KRABD2: variants seen among roughly 807,000 people sequenced by gnomAD.
KRABD2 encodes KRAB domain containing 2.
the KRABD2 span, chr17:8,371,559 A>G: frequency 1.3e-6 from 2 of 1,567,604 alleles, no homozygotes; most frequent in Non-Finnish European, 1.7e-6. Flanking sequence ...TCTGAAAGCG[A>G]GTCAGGTGAA....
the KRABD2 span, among the ~76,000 whole-genome samples, chr17:8,374,286 ATTC>A: frequency 2.0e-5 from 3 of 152,244 alleles, no homozygotes; most frequent in Non-Finnish European, 4.4e-5. Flanking sequence ...ACTAAGAAAA[ATTC>A]TTCTGCCTTG....
the KRABD2 span, chr17:8,373,709 TC>T: frequency 7.1e-6 from 1 of 141,244 alleles, no homozygotes; most frequent in African/African-American, 3.1e-5. Flanking sequence ...CCGGCCGCCA[TC>T]CCGTCTGGGA....
the KRABD2 span, among the ~76,000 whole-genome samples, chr17:8,363,869 ATTTATTTATTTATTTT>A: frequency 8.2e-4 from 99 of 120,820 alleles, no homozygotes; most frequent in African/African-American, 2.9e-3. Context: ...ATATTTATTT[ATTTATTTATTTATTTT>A]TTAGACAGAT....
chr17:8,374,242 A>G, the KRABD2 span, among the ~76,000 whole-genome samples: 1 of 152,260 alleles, frequency 6.6e-6, no homozygotes, highest in Non-Finnish European at 1.5e-5. Flanking sequence ...CTGTGTAGAA[A>G]GAAGTAGACA....
chr17:8,369,384 G>A, the KRABD2 span: 1 of 1,614,222 alleles, frequency 6.2e-7, no homozygotes, highest in Non-Finnish European at 8.5e-7. Flanking sequence ...GCCAAACATT[G>A]CCTCAAATGG....
the KRABD2 span, chr17:8,375,846 T>C: frequency 7.6e-6 from 9 of 1,182,644 alleles, no homozygotes; most frequent in Non-Finnish European, 9.5e-6. Context: ...ATAAACGAGT[T>C]GGTCAGAGAA....
the KRABD2 span, chr17:8,375,590 C>A: frequency 6.6e-6 from 1 of 150,834 alleles, no homozygotes; most frequent in East Asian, 1.9e-4. Flanking sequence ...GGCTAGAGTA[C>A]AGTGGCATGA....
the KRABD2 span, among the ~76,000 whole-genome samples, chr17:8,362,097 TG>T: frequency 1.3e-5 from 2 of 152,034 alleles, no homozygotes; most frequent in Non-Finnish European, 2.9e-5. This position sits in a 1 kb window ranked among gnomAD's most constrained non-coding sequence, Gnocchi z 4.2. Context: ...GAGGCCAAGG[TG>T]GGTGGTGGAT....
At chr17:8,368,929 C>T in the KRABD2 span, 5 of 865,252 alleles carry the variant, frequency 5.8e-6, no homozygotes, top group Non-Finnish European at 8.3e-6. Context: ...GAGCGCTGCG[C>T]CCGGCCAGGT....
chr17:8,363,829 A>T, the KRABD2 span, among the ~76,000 whole-genome samples: 1 of 47,910 alleles, frequency 2.1e-5, no homozygotes, highest in Non-Finnish European at 3.8e-5. Context: ...TATATATCAT[A>T]CATATATATA....
the KRABD2 span, chr17:8,376,685 G>A: frequency 7.1e-6 from 7 of 984,314 alleles, no homozygotes; most frequent in Non-Finnish European, 7.2e-6. Context: ...TCCACCCAGA[G>A]GCCCCCGAGC....
the KRABD2 span, chr17:8,359,749 G>A: frequency 2.2e-6 from 1 of 456,046 alleles, no homozygotes; most frequent in South Asian, 1.5e-5. Context: ...GGGCAGAAAG[G>A]CAGGGTTTCA....
At chr17:8,369,137 C>T in the KRABD2 span, 3 of 1,610,650 alleles carry the variant, frequency 1.9e-6, no homozygotes, top group East Asian at 2.2e-5. Flanking sequence ...CATCTGTTCA[C>T]CAGCAGAGGA....
the KRABD2 span, chr17:8,371,622 T>C: frequency 1.4e-6 from 2 of 1,444,836 alleles, no homozygotes; most frequent in South Asian, 1.6e-5. Flanking sequence ...GAGTACAGCT[T>C]CATGGATGAG....
At chr17:8,362,329 CAA>C in the KRABD2 span, among the ~76,000 whole-genome samples, 1 of 134,080 alleles carries the variant, frequency 7.5e-6, no homozygotes, top group Non-Finnish European at 1.6e-5. This position sits in a 1 kb window ranked among gnomAD's most constrained non-coding sequence, Gnocchi z 4.2. Context: ...GATTCCATCT[CAA>C]AAAAAAAAAA....
chr17:8,376,631 A>T, the KRABD2 span: 1 of 985,642 alleles, frequency 1.0e-6, no homozygotes, highest in Admixed American at 6.1e-5. Context: ...GAGGAAGGTC[A>T]GGAAGGAGAA....
At chr17:8,359,751 A>G in the KRABD2 span, 1 of 456,038 alleles carries the variant, frequency 2.2e-6, no homozygotes, top group East Asian at 6.9e-5. Flanking sequence ...GCAGAAAGGC[A>G]GGGTTTCAGG....
At chr17:8,363,421 A>C in the KRABD2 span, among the ~76,000 whole-genome samples, 1 of 152,128 alleles carries the variant, frequency 6.6e-6, no homozygotes, top group Non-Finnish European at 1.5e-5. Flanking sequence ...GCACGATCTC[A>C]GCTCACTGCA....
At chr17:8,369,362 T>C in the KRABD2 span, 1 of 1,614,254 alleles carries the variant, frequency 6.2e-7, no homozygotes, top group Non-Finnish European at 8.5e-7. Context: ...ATAGCCCAAA[T>C]TTGGCTTTAT....
Sources: allele counts gnomAD v4.1 joint callset (sites outside exome capture counted in the v4.1 genomes callset), GRCh38; gene constraint gnomAD v4.1.1; non-coding constraint Gnocchi (gnomAD v3.1); transcripts MANE v1.5; gene names NCBI Gene and HGNC (gene_info 2026-07-23, HGNC 2026-07-21).